CUX1: variants seen among roughly 807,000 people sequenced by gnomAD.
CUX1 encodes protein CASP.
Under a neutral mutation model 158.8 loss-of-function variants are expected in CUX1, and 31 were observed. The observed-to-expected ratio is 0.20, with a 90% CI of 0.15 to 0.26. CUX1 has a LOEUF of 0.26. CUX1 is among the 10% of genes least tolerant of loss of function. The pLI is 1.00. For synonymous variants in CUX1, 879 were observed against 862.1 expected, an observed-to-expected ratio of 1.02 and a Z score of -0.34; for missense variants, 1,589 against 2,014.6, an observed-to-expected ratio of 0.79 and a Z score of 4.04.
chr7:102,282,843 C>G, intron 22 of CUX1: 5 of 1,256,112 alleles, frequency 4.0e-6, no homozygotes, highest in Non-Finnish European at 5.6e-6. Context: ...GCAACACCCC[C>G]GAGTTCCTGC....
At chr7:102,190,436 T>G (rs183396820) in intron 12 of CUX1, among the ~76,000 whole-genome samples, 1 of 152,246 alleles carries the variant, frequency 6.6e-6, no homozygotes, top group Non-Finnish European at 1.5e-5. Flanking sequence ...TGAGCCTGCT[T>G]TGGCACTCTG....
chr7:102,098,681 G>T (rs192782654), intron 5 of CUX1, among the ~76,000 whole-genome samples: 1 of 149,712 alleles, frequency 6.7e-6, no homozygotes, highest in Non-Finnish European at 1.5e-5. Flanking sequence ...TCGCTCTGTC[G>T]CCCAGGCTGG....
Position 102,219,055 on chromosome 7 carries a change from A to AACACACACACACACACACACAC in CUX1, c.3131-8293_3131-8272dup, listed in dbSNP as rs3138788. Among the ~76,000 whole-genome samples the AACACACACACACACACACACAC allele has an allele frequency of 1.0e-3, 128 of 126,356 alleles. 1 individual carries two copies. Among genetic ancestry groups the AACACACACACACACACACACAC allele is most frequent in the East Asian group, 2.4e-3 (8 of 3,294 alleles). The allele number at this position is 126,356 out of a possible 152,430, so 82.9% of individuals were successfully genotyped here. On this transcript the variant is annotated intron_variant, in intron 20 of 23. Coordinates refer to ENST00000292535, the MANE Select transcript of CUX1 (RefSeq NM_181552.4). ...ACAACAGATCAAGACCCTGCCTCAA[A>AACACACACACACACACACACAC]ACACACACACACACACACACACACA...
chr7:101,942,630 T>A (rs188309775), intron 2 of CUX1, among the ~76,000 whole-genome samples: 53 of 152,244 alleles, frequency 3.5e-4, no homozygotes, highest in Non-Finnish European at 6.3e-4. Context: ...ACCCGGTGAA[T>A]CTTTAAATTA....
At chr7:102,068,909 G>A (rs139667536) in intron 3 of CUX1, among the ~76,000 whole-genome samples, 9 of 152,250 alleles carry the variant, frequency 5.9e-5, no homozygotes, top group Admixed American at 1.3e-4. Context: ...TTGCATATGC[G>A]TCCAGCATAG....
chr7:101,998,941 C>T (rs543111360), intron 2 of CUX1, among the ~76,000 whole-genome samples: 15 of 152,174 alleles, frequency 9.9e-5, no homozygotes, highest in Non-Finnish European at 1.8e-4. Context: ...TCTTCGCCCT[C>T]GGGCCACACC....
chr7:102,262,395 C>CATGG (rs55973199), downstream of CUX1, among the ~76,000 whole-genome samples: 36 of 143,288 alleles, frequency 2.5e-4, no homozygotes, highest in South Asian at 4.7e-4. Context: ...AAGACTCCAT[C>CATGG]ATGGATGGAT....
intron 1 of CUX1, among the ~76,000 whole-genome samples, chr7:101,825,013 C>T (rs1248336027): frequency 6.6e-6 from 1 of 152,168 alleles, no homozygotes; most frequent in East Asian, 1.9e-4. Flanking sequence ...AACTTGAACC[C>T]ATGCAGTCCT....
rs573484286 is a variant in CUX1, at chr7:102,203,846, CA to C, written c.2908-544del. Among the ~76,000 whole-genome samples the C allele has an allele frequency of 1.1e-3, 160 of 152,264 alleles. 1 individual carries two copies. Among genetic ancestry groups the C allele is most frequent in the Non-Finnish European group, 7.4e-5 (5 of 68,004 alleles). On this transcript the variant is annotated intron_variant, in intron 18 of 23. Transcript: ENST00000292535. ...GAATGTCACTCCCAGGCCGGCTCCCCAGGTCCCACCAGCTCACCTCTGGGCC... is the reference window on the plus strand; with the variant it reads ...GAATGTCACTCCCAGGCCGGCTCCCCGGTCCCACCAGCTCACCTCTGGGCC...
chr7:102,222,699 TG>T (rs1797924960), intron 20 of CUX1, among the ~76,000 whole-genome samples: 1 of 151,558 alleles, frequency 6.6e-6, no homozygotes, highest in African/African-American at 2.4e-5. Flanking sequence ...ACAGTCACTC[TG>T]TCACTAACGC....
At chr7:102,230,349 G>A (rs1172516636) in intron 21 of CUX1, among the ~76,000 whole-genome samples, 2 of 151,778 alleles carry the variant, frequency 1.3e-5, no homozygotes, top group African/African-American at 4.8e-5. Flanking sequence ...ATCCAGGCAT[G>A]GTGGCACCCG....
intron 2 of CUX1, among the ~76,000 whole-genome samples, chr7:101,965,848 CAAAAAAAAA>C (rs36052208): frequency 8.0e-5 from 4 of 50,122 alleles, no homozygotes; most frequent in African/African-American, 2.0e-4. Context: ...GACTCCATCT[CAAAAAAAAA>C]AAAAAAAAAA....
intron 9 of CUX1, among the ~76,000 whole-genome samples, chr7:102,167,932 G>A (rs1254910909): frequency 6.6e-6 from 1 of 151,988 alleles, no homozygotes; most frequent in Non-Finnish European, 1.5e-5. Flanking sequence ...ATAAAAATGA[G>A]TCGGTTGTGG....
intron 3 of CUX1, among the ~76,000 whole-genome samples, chr7:102,068,086 G>A (rs141655779): frequency 2.0e-5 from 3 of 151,318 alleles, no homozygotes; most frequent in African/African-American, 7.3e-5. Context: ...CTTGTTTTTT[G>A]TTGTTGTTGT....
intron 20 of CUX1, among the ~76,000 whole-genome samples, chr7:102,219,460 C>T (rs1554526103): frequency 1.3e-5 from 2 of 152,170 alleles, no homozygotes; most frequent in Non-Finnish European, 2.9e-5. Flanking sequence ...TTGGGGCTGG[C>T]AAGGGATGTG....
chr7:102,052,378 A>G (rs1035527121), intron 3 of CUX1, among the ~76,000 whole-genome samples: 1 of 152,168 alleles, frequency 6.6e-6, no homozygotes, highest in African/African-American at 2.4e-5. Flanking sequence ...AATGAGATCA[A>G]ATAATATATT....
rs192463185 is a variant in CUX1, at chr7:101,919,071, G to C, written c.141+2846G>C. ...TGGGATTACAGGCATGAGCCACCGC[G>C]CCCAGCCCTCCTGCTGGAAATGTTG... is the stretch of plus-strand genomic sequence containing the variant. On this transcript the variant is annotated intron_variant, in intron 2 of 23. Coordinates refer to ENST00000292535, the MANE Select transcript of CUX1 (RefSeq NM_181552.4). Among the ~76,000 whole-genome samples the C allele has an allele frequency of 1.0e-3, 158 of 152,294 alleles. 3 individuals are homozygous for C. In the East Asian group the frequency reaches 0.03, roughly 29 times the overall value.
chr7:102,003,641 G>A (rs1296021485), intron 2 of CUX1, among the ~76,000 whole-genome samples: 1 of 152,178 alleles, frequency 6.6e-6, no homozygotes. Flanking sequence ...GTCACCCCAG[G>A]TGGTTTCAGC....
At chr7:101,874,902 G>T (rs992643103) in intron 1 of CUX1, among the ~76,000 whole-genome samples, 1 of 152,166 alleles carries the variant, frequency 6.6e-6, no homozygotes. Flanking sequence ...ACACCAGGCT[G>T]GGGGGCCGCC....
Sources: gnomAD v4.1 joint callset for allele counts (sites outside exome capture counted in the v4.1 genomes callset) on GRCh38, gnomAD v4.1.1 for gene constraint, MANE v1.5 for transcripts, NCBI Gene and HGNC (gene_info 2026-07-23, HGNC 2026-07-21) for gene names.